The following LPP variants were observed in gnomAD, a reference collection of about 807,000 sequenced individuals.
LPP encodes LIM domain containing preferred translocation partner in lipoma.
LPP carries 38 observed loss-of-function variants against 60.4 expected under a neutral mutation model. That is an observed-to-expected ratio of 0.63 (90% CI 0.49 to 0.83). The LOEUF is 0.83. LPP is among the 40% of genes least tolerant of loss of function. The probability of loss-of-function intolerance (pLI) is 0.00; values close to 1 mark genes in which losing one functional copy is unlikely to be tolerated. For synonymous variants in LPP, 328 were observed against 290.8 expected (o/e 1.13, Z -1.30); for missense variants, 902 against 783.6 (o/e 1.15, Z -1.80).
chr3:188,730,925 G>T (rs1329178464), intron 8 of LPP, among the ~76,000 whole-genome samples: 1 of 151,918 alleles, frequency 6.6e-6, no homozygotes, highest in Non-Finnish European at 1.5e-5. Flanking sequence ...TTTTTTCATA[G>T]TCATTCTGTG....
intron 2 of LPP, among the ~76,000 whole-genome samples, chr3:188,268,668 A>G (rs1340648715): frequency 2.0e-5 from 3 of 152,218 alleles, no homozygotes; most frequent in Admixed American, 6.5e-5. Flanking sequence ...ACAAGATTCA[A>G]TGAGATTATA....
chr3:188,679,734 T>G (rs914452638), intron 7 of LPP, among the ~76,000 whole-genome samples: 1 of 152,180 alleles, frequency 6.6e-6, no homozygotes, highest in African/African-American at 2.4e-5. Flanking sequence ...TTTTTAAGAT[T>G]TTGGATAAAA....
At chr3:188,700,960 G>T in intron 7 of LPP, among the ~76,000 whole-genome samples, 1 of 152,170 alleles carries the variant, frequency 6.6e-6, no homozygotes. Context: ...TACACATAAA[G>T]AAACTGAGGC....
intron 2 of LPP, among the ~76,000 whole-genome samples, chr3:188,328,319 G>A (rs1759027830): frequency 6.6e-6 from 1 of 151,994 alleles, no homozygotes; most frequent in Admixed American, 6.6e-5. Context: ...AAAGTCGTTG[G>A]TCACTCACTT....
At position 188,609,864 on chromosome 3, in the gene LPP, A is replaced by C. The variant is rs1553942970; in HGVS notation, c.1113+20A>C. ...CCAAAGGTAAGAAACTCAGTAACAT[A>C]AGGAGGAGAATACAGGGGTGCCTAT... On this transcript the variant is annotated intron_variant, in intron 7 of 11. Coordinates refer to ENST00000617246, the MANE Select transcript of LPP (RefSeq NM_001375462.1). This position sits in a 1 kb window ranked among gnomAD's most constrained non-coding sequence, Gnocchi z 6.9. 3.1e-6 allele frequency: 5 copies of C among 1,593,902 alleles called. No homozygotes were observed. The highest frequency in any genetic ancestry group is 1.3e-5 in the African/African-American group (1 of 74,290).
chr3:188,847,888 A>T (rs959692543), intron 9 of LPP, among the ~76,000 whole-genome samples: 3 of 152,210 alleles, frequency 2.0e-5, no homozygotes, highest in Admixed American at 2.0e-4. Context: ...GAATTTTGTT[A>T]GGAAAAAAAT....
chr3:188,547,041 A>C (rs1161348866), intron 6 of LPP, among the ~76,000 whole-genome samples: 1 of 152,218 alleles, frequency 6.6e-6, no homozygotes. Flanking sequence ...TCTATGAACA[A>C]GGCTGTATGG....
rs138164471 is a variant in LPP at position 188,842,834 on chromosome 3, A to G, written c.1411-23366A>G. Among the ~76,000 whole-genome samples the G allele has an allele frequency of 2.2e-3, 335 of 152,244 alleles. 2 individuals carry two copies. The highest frequency in any genetic ancestry group is 7.8e-3 in the African/African-American group (325 of 41,544). The stretch of plus-strand genomic sequence containing the variant: ...GTTTTAGGAGATTTGGCAATTGTAT[A>G]TATTACCCAAGAAAGTTCCCTTAAG... On this transcript the variant is annotated intron_variant, in intron 9 of 11. Coordinates refer to ENST00000617246, the MANE Select transcript of LPP (RefSeq NM_001375462.1).
At position 188,242,795 on chromosome 3, in the gene LPP, T is replaced by G. The variant is rs1725447620; in HGVS notation, c.-67+17268T>G. On this transcript the variant is annotated intron_variant, in intron 2 of 11. Coordinates refer to ENST00000617246, the MANE Select transcript of LPP (RefSeq NM_001375462.1). ...AAAATTAGCAAACATTTCCCCTTTC[T>G]CCTTAGTTTGTAGGGGATGATATTG... Among the ~76,000 whole-genome samples the G allele has an allele frequency of 2.0e-5, 3 of 152,194 alleles. No homozygotes were observed. The South Asian group carries it at 6.2e-4, about 31-fold the overall frequency.
In LPP at chr3:188,524,772, G is replaced by A; in HGVS notation, c.414G>A (p.Lys138=). ...LADLECSSPY[K]PRPPQSSTGS... ...ACCTTGAGTGCAGCTCCCCCTATAA[G>A]CCTCGGCCTCCACAGGTTAGTGCAG... Residue 138 remains lysine, a synonymous_variant, in exon 6 of 12, where the codon AAG becomes AAA. Coordinates refer to ENST00000617246, the MANE Select transcript of LPP (RefSeq NM_001375462.1). The A allele has an allele frequency of 6.2e-7, 1 of 1,613,710 alleles. No homozygotes were observed. Among genetic ancestry groups the A allele is most frequent in the Non-Finnish European group, 8.5e-7 (1 of 1,179,878 alleles).
At chr3:188,443,868 G>A (rs1794623719) in intron 4 of LPP, among the ~76,000 whole-genome samples, 1 of 152,072 alleles carries the variant, frequency 6.6e-6, no homozygotes, top group Admixed American at 6.6e-5. Context: ...TCATCCCTTA[G>A]CTTTCCTCCA....
chr3:188,837,876 G>A (rs1349658992), intron 9 of LPP, among the ~76,000 whole-genome samples: 1 of 152,076 alleles, frequency 6.6e-6, no homozygotes, highest in African/African-American at 2.4e-5. Flanking sequence ...TAAGATCTGG[G>A]TCTGAATCCT....
At chr3:188,670,464 T>C (rs1225405103) in intron 7 of LPP, among the ~76,000 whole-genome samples, 1 of 151,466 alleles carries the variant, frequency 6.6e-6, no homozygotes, top group East Asian at 1.9e-4. Flanking sequence ...TTTTTTTTTG[T>C]TTTTTTATCA....
rs996735740 is a variant in LPP, at chr3:188,276,872, A to G, written c.-67+51345A>G. On this transcript the variant is annotated intron_variant, in intron 2 of 11. Transcript: ENST00000617246. ...AGAACTGTGAGCCAATAATTCAACA[A>G]CTCAACCACTTCTTTTCTTTTCTTT... Among the ~76,000 whole-genome samples, 13 of 142,898 alleles carry G rather than the reference A, an allele frequency of 9.1e-5. No individual in the cohort carries two copies. The East Asian group carries it at 2.2e-3, about 24-fold the overall frequency. 93.7% of individuals were successfully genotyped at this position (142,898 alleles called of 152,430 possible).
At chr3:188,280,033 G>A (rs1399537243) in intron 2 of LPP, among the ~76,000 whole-genome samples, 2 of 152,172 alleles carry the variant, frequency 1.3e-5, no homozygotes, top group African/African-American at 4.8e-5. Flanking sequence ...GTGGAGTGAG[G>A]TGTGTAAGTA....
intron 1 of LPP, among the ~76,000 whole-genome samples, chr3:188,191,737 G>C (rs1042558145): frequency 2.6e-5 from 4 of 152,222 alleles, no homozygotes; most frequent in African/African-American, 9.6e-5. Context: ...GCTCACTGTA[G>C]CTGAGTGTTC....
chr3:188,328,120 A>G (rs76006075), intron 2 of LPP, among the ~76,000 whole-genome samples: 2 of 152,276 alleles, frequency 1.3e-5, no homozygotes, highest in East Asian at 3.9e-4. Flanking sequence ...TTCTTCTTTG[A>G]TACTATACCA....
At chr3:188,456,084 A>T (rs1296950672) in intron 4 of LPP, among the ~76,000 whole-genome samples, 1 of 152,024 alleles carries the variant, frequency 6.6e-6, no homozygotes. Flanking sequence ...TAGAGATGGG[A>T]TCTTGCTATG....
At position 188,667,465 on chromosome 3, in the gene LPP, G is replaced by A. The variant is rs191798174; in HGVS notation, c.1114-40802G>A. On this transcript the variant is annotated intron_variant, in intron 7 of 11. Coordinates refer to ENST00000617246, the MANE Select transcript of LPP (RefSeq NM_001375462.1). ...TGCACTCCAGCCTGGGTGACAGAGC[G>A]ATACTCTGTCTCAAAAAAAAAAAAC... 9.1e-5 allele frequency among the ~76,000 whole-genome samples: 13 copies of A among 143,250 alleles called. No individual in the cohort carries two copies. The East Asian group carries it at 2.4e-3, about 26-fold the overall frequency. The allele number at this position is 143,250 out of a possible 152,430, so 94.0% of individuals were successfully genotyped here.
Sources: gnomAD v4.1 joint callset for allele counts (sites outside exome capture counted in the v4.1 genomes callset) on GRCh38, gnomAD v4.1.1 for gene constraint, Gnocchi (gnomAD v3.1) non-coding constraint, MANE v1.5 for transcripts, NCBI Gene and HGNC (gene_info 2026-07-23, HGNC 2026-07-21) for gene names.